The following SOX5 variants were observed in gnomAD, a reference collection of about 807,000 sequenced individuals.
SOX5 encodes the protein transcription factor SOX-5.
SOX5 carries 9 observed loss-of-function variants against 92.0 expected under a neutral mutation model. The observed-to-expected ratio is 0.10, with a 90% confidence interval of 0.06 to 0.17. The LOEUF is 0.17. SOX5 is among the 10% of genes least tolerant of loss of function. The pLI is 1.00. For synonymous variants in SOX5, 344 were observed against 336.3 expected (o/e 1.02, Z -0.25); for missense variants, 642 against 944.5 (o/e 0.68, Z 4.20).
chr12:24,420,933 CA>C (rs1965814693), intron 1 of SOX5, among the ~76,000 whole-genome samples: 1 of 152,246 alleles, frequency 6.6e-6, no homozygotes, highest in South Asian at 2.1e-4. Context: ...ATGCCACCAA[CA>C]AAATCCATAC....
intron 6 of SOX5, among the ~76,000 whole-genome samples, chr12:23,733,054 A>G (rs1225185762): frequency 7.2e-5 from 11 of 152,190 alleles, no homozygotes; most frequent in Non-Finnish European, 1.6e-4. Flanking sequence ...AATTCCTAAG[A>G]AAGCACTGAA....
Position 23,679,570 on chromosome 12 carries a change from A to C in SOX5, c.811-14006T>G, listed in dbSNP as rs11047045. 3.6e-3 allele frequency among the ~76,000 whole-genome samples: 541 copies of C among 152,310 alleles called. 4 individuals are homozygous for C. The highest frequency in any genetic ancestry group is 0.013 in the African/African-American group (528 of 41,572). On this transcript the variant is annotated intron_variant, in intron 6 of 14. Coordinates refer to ENST00000451604, the MANE Select transcript of SOX5 (RefSeq NM_006940.6). ...TAAAAATAATGTACTACTATAACTC[A>C]ATCACACAGACTTTACCTAACTTAG... is the stretch of plus-strand genomic sequence containing the variant.
chr12:23,838,158 A>T (rs1431557027), intron 3 of SOX5, among the ~76,000 whole-genome samples: 2 of 142,798 alleles, frequency 1.4e-5, no homozygotes, highest in African/African-American at 5.1e-5. Flanking sequence ...TTATATTTAT[A>T]TAATATATAT....
At chr12:24,364,106 GA>G (rs1311615390) in intron 2 of SOX5, among the ~76,000 whole-genome samples, 2 of 152,204 alleles carry the variant, frequency 1.3e-5, no homozygotes, top group African/African-American at 4.8e-5. Flanking sequence ...AAGCTTTCAA[GA>G]GTCCTAAAGT....
intron 1 of SOX5, among the ~76,000 whole-genome samples, chr12:24,522,782 A>T (rs1017083191): frequency 1.3e-5 from 2 of 152,200 alleles, no homozygotes; most frequent in Admixed American, 1.3e-4. Context: ...AGTAAAAGCC[A>T]TATATAAGAA....
intron 1 of SOX5, among the ~76,000 whole-genome samples, chr12:24,519,408 T>G (rs1857064562): frequency 6.6e-6 from 1 of 151,908 alleles, no homozygotes; most frequent in Non-Finnish European, 1.5e-5. Context: ...TATGTGTTGT[T>G]GGGAAGGGGT....
At chr12:24,446,272 G>T (rs55651930) in intron 1 of SOX5, among the ~76,000 whole-genome samples, 29,138 of 151,958 alleles carry the variant, frequency 0.19, 2,868 homozygotes, top group Middle Eastern at 0.22. Flanking sequence ...AATATGACAG[G>T]GAGAGACTGA....
chr12:23,638,029 G>A (rs1420595093), intron 8 of SOX5: 4 of 151,844 alleles, frequency 2.6e-5, no homozygotes, highest in Admixed American at 2.6e-4. Context: ...CAGGTGTCAT[G>A]TTACCCAGGT....
chr12:24,393,530 T>TAA lies in SOX5; in HGVS notation c.-250-24893_-250-24892dup, dbSNP rs138401220. Among the ~76,000 whole-genome samples the TAA allele has an allele frequency of 6.6e-6, 1 of 152,220 alleles. No individual in the cohort carries two copies. Among genetic ancestry groups the TAA allele is most frequent in the Non-Finnish European group, 1.5e-5 (1 of 68,044 alleles). On this transcript the variant is annotated intron_variant, in intron 1 of 4. Coordinates refer to the SOX5 transcript ENST00000446891. This position sits in a 1 kb window ranked among gnomAD's most constrained non-coding sequence, Gnocchi z 5.0. ...GTAGGTATCTGAATAATGAGATCTG[T>TAA]AAAATTGATTCTTGCATTAGAAATT...
intron 2 of SOX5, among the ~76,000 whole-genome samples, chr12:24,349,912 G>A (rs1418074125): frequency 2.0e-5 from 3 of 152,064 alleles, no homozygotes; most frequent in Non-Finnish European, 2.9e-5. Context: ...CAGTGCATAC[G>A]AGTTCCAATT....
intron 4 of SOX5, among the ~76,000 whole-genome samples, chr12:23,751,432 A>G (rs892176963): frequency 2.0e-5 from 3 of 151,882 alleles, no homozygotes; most frequent in African/African-American, 7.2e-5. Context: ...CATGTTTTAA[A>G]TTTATAAAAC....
intron 3 of SOX5, among the ~76,000 whole-genome samples, chr12:23,830,547 G>A (rs1019309063): frequency 4.6e-5 from 7 of 152,264 alleles, no homozygotes; most frequent in African/African-American, 1.7e-4. Flanking sequence ...AAAGGACAGT[G>A]AGTAACTAAA....
chr12:24,100,614 G>T (rs1037579334), intron 4 of SOX5, among the ~76,000 whole-genome samples: 2 of 152,084 alleles, frequency 1.3e-5, no homozygotes, highest in African/African-American at 4.8e-5. Flanking sequence ...CCACTTTTAT[G>T]TGCTTCTGAT....
chr12:24,036,584 C>T lies in SOX5; in HGVS notation c.-1-140560G>A, dbSNP rs75182381. 5.7e-3 allele frequency among the ~76,000 whole-genome samples: 870 copies of T among 152,182 alleles called. 17 individuals carry two copies. The highest frequency in any genetic ancestry group is 0.02 in the African/African-American group (839 of 41,528). On this transcript the variant is annotated intron_variant, in intron 4 of 4. Coordinates refer to the SOX5 transcript ENST00000446891. Reference sequence around the variant, plus strand: ...GTGTACGAATTCAATACACTGTAAGCCGTGCCCCTCACACAGTTGACATCA... The same window carrying T: ...GTGTACGAATTCAATACACTGTAAGTCGTGCCCCTCACACAGTTGACATCA...
intron 4 of SOX5, among the ~76,000 whole-genome samples, chr12:24,042,659 G>A (rs1405679594): frequency 6.6e-6 from 1 of 152,080 alleles, no homozygotes; most frequent in Non-Finnish European, 1.5e-5. Context: ...TTAGCTGTAT[G>A]TGGCACAAAA....
chr12:23,640,788 C>T (rs998916156), intron 8 of SOX5, 24 bp downstream of exon 8: 47 of 1,563,596 alleles, frequency 3.0e-5, no homozygotes, highest in Non-Finnish European at 4.1e-5. Context: ...ACCTTTGTCT[C>T]CTCTGTATTG....
intron 1 of SOX5, among the ~76,000 whole-genome samples, chr12:23,909,983 GCATGAT>G (rs1164799277): frequency 6.6e-6 from 1 of 151,718 alleles, no homozygotes; most frequent in Non-Finnish European, 1.5e-5. Context: ...GTTTATGGAG[GCATGAT>G]CATTTAAAGA....
rs56337944 is a variant in SOX5, at chr12:23,570,868, G to A, written c.1342+4793C>T. ...GGAGCTTGCAGTGAGCCAAGATTGCGCCACTGCACTCCAGCCTGGGCTACA... is the reference window on the plus strand; with the variant it reads ...GGAGCTTGCAGTGAGCCAAGATTGCACCACTGCACTCCAGCCTGGGCTACA... On this transcript the variant is annotated intron_variant, in intron 10 of 14. Coordinates refer to ENST00000451604, the MANE Select transcript of SOX5 (RefSeq NM_006940.6). Among the ~76,000 whole-genome samples, 993 of 131,254 alleles carry A rather than the reference G, an allele frequency of 7.6e-3. 7 individuals carry two copies. Among genetic ancestry groups the A allele is most frequent in the African/African-American group, 0.027 (914 of 33,858 alleles). 86.1% of individuals were successfully genotyped at this position (131,254 alleles called of 152,430 possible). A position where few individuals can be genotyped will look rare whatever the true frequency, so the allele number is the denominator to read the frequency against.
chr12:24,045,251 A>G (rs1178822741), intron 4 of SOX5, among the ~76,000 whole-genome samples: 1 of 152,216 alleles, frequency 6.6e-6, no homozygotes, highest in Non-Finnish European at 1.5e-5. Flanking sequence ...TTTATAAAAT[A>G]AGAACACAAT....
Sources: allele counts gnomAD v4.1 joint callset (sites outside exome capture counted in the v4.1 genomes callset), GRCh38; gene constraint gnomAD v4.1.1; non-coding constraint Gnocchi (gnomAD v3.1); transcripts MANE v1.5; gene names NCBI Gene and HGNC (gene_info 2026-07-23, HGNC 2026-07-21).